Variants in PIK3AP1 observed in about 807,000 individuals in gnomAD.
The protein encoded by PIK3AP1 is phosphoinositide-3-kinase adaptor protein 1, also known as phosphoinositide 3-kinase adapter protein 1.
In PIK3AP1, 21 loss-of-function variants were observed where a neutral mutation model predicts 88.1. The observed-to-expected ratio is 0.24, with a 90% CI of 0.17 to 0.34. The LOEUF (loss-of-function observed/expected upper bound fraction) is 0.34. Ranked by LOEUF, PIK3AP1 falls within the 10% of genes least tolerant of loss-of-function variation. The probability of loss-of-function intolerance (pLI) is 1.00; values close to 1 mark genes in which losing one functional copy is unlikely to be tolerated. For synonymous variants in PIK3AP1, 398 were observed against 400.0 expected (o/e 1.00, Z 0.06); for missense variants, 828 against 1,035.7 (o/e 0.80, Z 2.75).
In PIK3AP1 at chr10:96,611,531, G is replaced by A. The variant is rs184486588; in HGVS notation, c.2015-1664C>T. Among the ~76,000 whole-genome samples the A allele has an allele frequency of 2.8e-4, 42 of 152,108 alleles. No individual in the cohort carries two copies. In the East Asian group the frequency reaches 6.4e-3, roughly 23 times the overall value. On this transcript the variant is annotated intron_variant, in intron 13 of 16. Coordinates refer to ENST00000339364, the MANE Select transcript of PIK3AP1 (RefSeq NM_152309.3). Reference sequence around the variant, plus strand: ...TGTCGCCAGGCTGGAGTGCAGTGGCGCCATCTTGGCTCACTTCAACCTCTG... The same window carrying A: ...TGTCGCCAGGCTGGAGTGCAGTGGCACCATCTTGGCTCACTTCAACCTCTG...
At chr10:96,666,668 T>C (rs1020630252) in intron 2 of PIK3AP1, among the ~76,000 whole-genome samples, 5 of 152,118 alleles carry the variant, frequency 3.3e-5, no homozygotes, top group African/African-American at 4.8e-5. Context: ...TTATTACTTA[T>C]AATGATAATG....
At chr10:96,600,492 C>T (rs1170376807) in intron 16 of PIK3AP1, among the ~76,000 whole-genome samples, 1 of 152,118 alleles carries the variant, frequency 6.6e-6, no homozygotes, top group Non-Finnish European at 1.5e-5. Context: ...ATATTCTAAT[C>T]CGTGCCTTCC....
At chr10:96,654,065 C>A (rs76983589) in intron 3 of PIK3AP1, among the ~76,000 whole-genome samples, 1 of 152,084 alleles carries the variant, frequency 6.6e-6, no homozygotes, top group Non-Finnish European at 1.5e-5. Flanking sequence ...AGGTGACACC[C>A]GTGCACTTTG....
rs1006297662 is a variant in PIK3AP1, at chr10:96,720,306, G to A, written c.13+76C>T. ...AGAGGACGCAAACAGAAGCAAGCGGGGGAGCGCGCCTCAAGGGATGCGGGG... is the reference window on the plus strand; with the variant it reads ...AGAGGACGCAAACAGAAGCAAGCGGAGGAGCGCGCCTCAAGGGATGCGGGG... On this transcript the variant is annotated intron_variant, in intron 1 of 16. Coordinates refer to ENST00000339364, the MANE Select transcript of PIK3AP1 (RefSeq NM_152309.3). This position sits in a 1 kb window ranked among gnomAD's most constrained non-coding sequence, Gnocchi z 4.6. The A allele has an allele frequency of 1.6e-5, 20 of 1,225,008 alleles. No homozygotes were observed. The highest frequency in any genetic ancestry group is 7.8e-5 in the African/African-American group (5 of 64,012). The allele number at this position is 1,225,008 out of a possible 1,614,324, so 75.9% of individuals were successfully genotyped here. A position where few individuals can be genotyped will look rare whatever the true frequency, so the allele number is the denominator to read the frequency against.
intron 8 of PIK3AP1, among the ~76,000 whole-genome samples, chr10:96,640,133 G>A (rs774548452): frequency 3.3e-5 from 5 of 152,218 alleles, no homozygotes; most frequent in Admixed American, 6.5e-5. Flanking sequence ...AGAACCATGA[G>A]GTAGGGATCA....
intron 7 of PIK3AP1, among the ~76,000 whole-genome samples, chr10:96,646,026 A>G (rs1843454879): frequency 6.6e-6 from 1 of 152,196 alleles, no homozygotes; most frequent in South Asian, 2.1e-4. Flanking sequence ...TTAGGAGGCC[A>G]AGGCAAGTGG....
chr10:96,615,470 C>T (rs1283728987), intron 13 of PIK3AP1, among the ~76,000 whole-genome samples: 1 of 152,058 alleles, frequency 6.6e-6, no homozygotes, highest in Non-Finnish European at 1.5e-5. Context: ...TGCAGCAGTG[C>T]CATAGGAGAT....
In PIK3AP1 at chr10:96,709,890, T is replaced by C. The variant is rs1844417360; in HGVS notation, c.107A>G (p.Gln36Arg). 1 of 1,613,552 alleles carries C rather than the reference T, an allele frequency of 6.2e-7. No individual in the cohort carries two copies. The highest frequency in any genetic ancestry group is 8.5e-7 in the Non-Finnish European group (1 of 1,179,964). Reference protein sequence around the residue: ...YLQTLFLSSRQVRSQKILTHR... With the variant: ...YLQTLFLSSRRVRSQKILTHR... Reference sequence around the variant, plus strand: ...AGTCAGTATCTTCTGGCTGCGGACCTGCCGACTGGACAGGAACAGGGTCTG... The same window carrying C: ...AGTCAGTATCTTCTGGCTGCGGACCCGCCGACTGGACAGGAACAGGGTCTG... The change falls in exon 2 of 17, where the codon CAG becomes CGG. Residue 36 changes from glutamine to arginine, a missense_variant. This residue lies in a region of PIK3AP1 where 610 missense variants were observed against 760.1 expected (regional missense o/e 0.80). Transcript: ENST00000339364.
At chr10:96,714,520 A>T (rs1426625908) in intron 1 of PIK3AP1, among the ~76,000 whole-genome samples, 1 of 152,228 alleles carries the variant, frequency 6.6e-6, no homozygotes, top group African/African-American at 2.4e-5. Context: ...ACAGTTAATA[A>T]AATACATCTA....
intron 3 of PIK3AP1, among the ~76,000 whole-genome samples, chr10:96,656,269 T>C (rs1280404807): frequency 1.3e-5 from 2 of 152,190 alleles, no homozygotes; most frequent in African/African-American, 4.8e-5. Context: ...TCATCTGTAA[T>C]GTATGCCCCA....
chr10:96,678,932 C>T (rs1843962358), intron 2 of PIK3AP1, among the ~76,000 whole-genome samples: 1 of 152,178 alleles, frequency 6.6e-6, no homozygotes, highest in South Asian at 2.1e-4. Flanking sequence ...GCAAGGAGCA[C>T]CTGGAAGGTT....
intron 2 of PIK3AP1, among the ~76,000 whole-genome samples, chr10:96,683,004 G>A (rs1340634422): frequency 6.6e-6 from 1 of 152,138 alleles, no homozygotes; most frequent in African/African-American, 2.4e-5. Flanking sequence ...CCAAATGGTG[G>A]CCATCATTGC....
chr10:96,607,840 C>T (rs1401881289), intron 14 of PIK3AP1, among the ~76,000 whole-genome samples: 2 of 152,164 alleles, frequency 1.3e-5, no homozygotes, highest in Non-Finnish European at 2.9e-5. Flanking sequence ...ACCACCGTCC[C>T]CCACTGAGTC....
At chr10:96,631,683 G>T (rs915249116) in intron 8 of PIK3AP1, among the ~76,000 whole-genome samples, 1 of 152,144 alleles carries the variant, frequency 6.6e-6, no homozygotes, top group Non-Finnish European at 1.5e-5. Flanking sequence ...GAGGTCAGGA[G>T]TTTTGAGACC....
chr10:96,611,305 C>A (rs1849105172), intron 13 of PIK3AP1, among the ~76,000 whole-genome samples: 1 of 152,122 alleles, frequency 6.6e-6, no homozygotes, highest in Non-Finnish European at 1.5e-5. Flanking sequence ...CATGCTGGGG[C>A]TCTCTTGGCT....
intron 8 of PIK3AP1, among the ~76,000 whole-genome samples, chr10:96,638,533 T>C (rs768497088): frequency 2.6e-5 from 4 of 151,822 alleles, no homozygotes; most frequent in African/African-American, 4.8e-5. Context: ...TAATGAGTGA[T>C]GGCTGGCATT....
chr10:96,712,034 G>A (rs1267687054), intron 1 of PIK3AP1, among the ~76,000 whole-genome samples: 2 of 151,866 alleles, frequency 1.3e-5, no homozygotes, highest in African/African-American at 4.8e-5. Flanking sequence ...AATTACAGGC[G>A]TGAGCCACCG....
chr10:96,710,620 T>C (rs756241928), intron 1 of PIK3AP1, among the ~76,000 whole-genome samples: 1 of 152,050 alleles, frequency 6.6e-6, no homozygotes, highest in East Asian at 1.9e-4. Flanking sequence ...ATAATAACAA[T>C]AATAATAAAT....
chr10:96,605,200 G>C (rs1414375612), intron 14 of PIK3AP1, among the ~76,000 whole-genome samples: 1 of 152,108 alleles, frequency 6.6e-6, no homozygotes, highest in Non-Finnish European at 1.5e-5. Context: ...TTGTGACTGT[G>C]AGTTTAGGCA....
Sources: gnomAD v4.1 joint callset for allele counts (sites outside exome capture counted in the v4.1 genomes callset) on GRCh38, gnomAD v4.1.1 for gene constraint, gnomAD v4.1.1 regional missense constraint, Gnocchi (gnomAD v3.1) non-coding constraint, MANE v1.5 for transcripts, NCBI Gene and HGNC (gene_info 2026-07-23, HGNC 2026-07-21) for gene names.